NELL1: variants seen among roughly 807,000 people sequenced by gnomAD.
NELL1 encodes the protein protein kinase C-binding protein NELL1.
In NELL1, 76 loss-of-function variants were observed where a neutral mutation model predicts 107.4. That is an observed-to-expected ratio of 0.71 (90% CI 0.59 to 0.86). The LOEUF (loss-of-function observed/expected upper bound fraction) is 0.86, where lower values mean the gene tolerates loss of function less well. Ranked by LOEUF, NELL1 falls within the 40% of genes least tolerant of loss-of-function variation. NELL1 has a pLI of 0.00. For missense variants in NELL1, 1,024 were observed against 1,005.5 expected (o/e 1.02, Z -0.25); for synonymous variants, 353 against 341.2 (o/e 1.03, Z -0.38).
chr11:21,388,747 T>TA (rs1198125320), intron 15 of NELL1, among the ~76,000 whole-genome samples: 1 of 151,798 alleles, frequency 6.6e-6, no homozygotes, highest in African/African-American at 2.4e-5. Context: ...TGCATTATCC[T>TA]AAAAAATCCC....
intron 14 of NELL1, among the ~76,000 whole-genome samples, chr11:21,353,918 G>A (rs1850871956): frequency 6.6e-6 from 1 of 152,096 alleles, no homozygotes; most frequent in Non-Finnish European, 1.5e-5. Flanking sequence ...TCTCACATCA[G>A]TGTATTTTTC....
chr11:20,760,654 GATCT>G (rs1290999043), intron 2 of NELL1, among the ~76,000 whole-genome samples: 5 of 152,168 alleles, frequency 3.3e-5, no homozygotes, highest in Admixed American at 6.5e-5. Context: ...TCAGCTCCTA[GATCT>G]ATCAGGCAAG....
At chr11:20,705,391 C>G (rs191920143) in intron 2 of NELL1, among the ~76,000 whole-genome samples, 56 of 152,012 alleles carry the variant, frequency 3.7e-4, no homozygotes, top group African/African-American at 1.3e-3. Context: ...CTTTGACAAA[C>G]CTGACAAAAA....
At chr11:21,393,260 C>A (rs1044766308) in intron 15 of NELL1, among the ~76,000 whole-genome samples, 5 of 151,638 alleles carry the variant, frequency 3.3e-5, no homozygotes, top group African/African-American at 1.2e-4. Context: ...ATTAAATCTG[C>A]AGATGGTCCT....
chr11:20,873,532 TA>T (rs943733434), intron 4 of NELL1, among the ~76,000 whole-genome samples: 1 of 152,262 alleles, frequency 6.6e-6, no homozygotes, highest in African/African-American at 2.4e-5. Context: ...CTTTACAAAG[TA>T]CTTTTACAGA....
intron 13 of NELL1, among the ~76,000 whole-genome samples, chr11:21,191,438 G>T (rs902161640): frequency 6.6e-6 from 1 of 151,896 alleles, no homozygotes; most frequent in Non-Finnish European, 1.5e-5. Flanking sequence ...CTAGAAGTCC[G>T]CCAAAAGAAA....
Position 20,862,605 on chromosome 11 carries a change from CTT to C in NELL1, c.506+14874_506+14875del, listed in dbSNP as rs386373288. The stretch of plus-strand genomic sequence containing the variant: ...GCCCTAAAAATCTTTTGAGCTGCTG[CTT>C]TTTTTTTTTTTTTTTTTTTTTATTG... On this transcript the variant is annotated intron_variant, in intron 4 of 19. Coordinates refer to ENST00000357134, the MANE Select transcript of NELL1 (RefSeq NM_006157.5). 6.5e-3 allele frequency among the ~76,000 whole-genome samples: 617 copies of C among 94,638 alleles called. 1 individual carries two copies. The highest frequency in any genetic ancestry group is 0.022 in the African/African-American group (556 of 25,074). The allele number at this position is 94,638 out of a possible 152,430, so 62.1% of individuals were successfully genotyped here. A position where few individuals can be genotyped will look rare whatever the true frequency, so the allele number is the denominator to read the frequency against.
intron 13 of NELL1, among the ~76,000 whole-genome samples, chr11:21,147,836 C>CAAAA (rs35688285): frequency 0.023 from 669 of 28,908 alleles, 6 homozygotes; most frequent in Non-Finnish European, 0.031. Flanking sequence ...AACTCCGTCT[C>CAAAA]AAAAAAAAAA....
At chr11:20,697,183 A>C (rs573847609) in intron 2 of NELL1, among the ~76,000 whole-genome samples, 28 of 152,178 alleles carry the variant, frequency 1.8e-4, no homozygotes, top group Non-Finnish European at 2.9e-4. Context: ...GTTGAAAACT[A>C]TTCTAAACAC....
intron 5 of NELL1, among the ~76,000 whole-genome samples, chr11:20,895,314 A>G (rs1284623095): frequency 1.6e-5 from 2 of 124,736 alleles, no homozygotes; most frequent in African/African-American, 7.4e-5. Flanking sequence ...AAAAAAAAAA[A>G]GAAATTATTC....
intron 12 of NELL1, among the ~76,000 whole-genome samples, chr11:20,976,237 T>C (rs930228023): frequency 7.9e-5 from 12 of 151,714 alleles, no homozygotes; most frequent in African/African-American, 2.4e-4. Flanking sequence ...TATATACATG[T>C]AATGTTCAGG....
chr11:20,691,587 T>C (rs1225818053), intron 2 of NELL1, among the ~76,000 whole-genome samples: 2 of 152,190 alleles, frequency 1.3e-5, no homozygotes, highest in Non-Finnish European at 2.9e-5. Context: ...GGATTACATT[T>C]ATTGATTTGC....
chr11:20,688,099 A>C (rs781087005), intron 2 of NELL1, among the ~76,000 whole-genome samples: 6 of 152,090 alleles, frequency 3.9e-5, no homozygotes, highest in Non-Finnish European at 8.8e-5. Context: ...GTATACTTTT[A>C]GTAAGAGAAT....
Position 20,867,458 on chromosome 11 carries a change from G to A in NELL1, c.507-17986G>A, listed in dbSNP as rs149719553. ...GAAAGAGGAGGAAACGTTTATGAAC[G>A]AAAATTCAGTGAATCCTGGCCAGTG... On this transcript the variant is annotated intron_variant, in intron 4 of 19. Transcript: ENST00000357134. Among the ~76,000 whole-genome samples the A allele has an allele frequency of 7.3e-3, 1,106 of 152,276 alleles. 33 individuals are homozygous for A. The highest frequency in any genetic ancestry group is 0.058 in the Admixed American group (887 of 15,288).
intron 3 of NELL1, among the ~76,000 whole-genome samples, chr11:20,810,963 GTTGA>G (rs1307708775): frequency 6.6e-6 from 1 of 151,822 alleles, no homozygotes; most frequent in African/African-American, 2.4e-5. Flanking sequence ...TCTTTGCTCT[GTTGA>G]TTGTTTCCTT....
chr11:21,126,353 T>C (rs1590660642), intron 13 of NELL1, among the ~76,000 whole-genome samples: 1 of 111,232 alleles, frequency 9.0e-6, no homozygotes, highest in Non-Finnish European at 1.8e-5. Flanking sequence ...CAAAAACCTA[T>C]TGAGATAATA....
At chr11:20,995,422 T>C (rs1274883973) in intron 12 of NELL1, among the ~76,000 whole-genome samples, 1 of 151,852 alleles carries the variant, frequency 6.6e-6, no homozygotes. Flanking sequence ...ACTAAAAATA[T>C]AAAAAATTAG....
intron 14 of NELL1, among the ~76,000 whole-genome samples, chr11:21,324,170 C>T (rs752074299): frequency 4.6e-5 from 7 of 152,044 alleles, no homozygotes; most frequent in Admixed American, 2.6e-4. Context: ...CCCTATGAGA[C>T]AGTCATTATT....
intron 12 of NELL1, among the ~76,000 whole-genome samples, chr11:21,098,824 G>T (rs1360864692): frequency 6.6e-6 from 1 of 151,684 alleles, no homozygotes; most frequent in Non-Finnish European, 1.5e-5. Flanking sequence ...CTCTCTCTCT[G>T]TCTGCCTCTC....
Sources: allele counts gnomAD v4.1 joint callset (sites outside exome capture counted in the v4.1 genomes callset), GRCh38; gene constraint gnomAD v4.1.1; transcripts MANE v1.5; gene names NCBI Gene and HGNC (gene_info 2026-07-23, HGNC 2026-07-21).